Variants in RAP1GAP2 observed in about 807,000 individuals in gnomAD.
RAP1GAP2 encodes rap1 GTPase-activating protein 2.
RAP1GAP2 carries 27 observed loss-of-function variants against 95.0 expected under a neutral mutation model. The observed-to-expected ratio is 0.28, with a 90% CI of 0.21 to 0.39. The LOEUF (loss-of-function observed/expected upper bound fraction) is 0.39, where lower values mean the gene tolerates loss of function less well. RAP1GAP2 is among the 10% of genes least tolerant of loss of function. The probability of loss-of-function intolerance (pLI) is 1.00; values close to 1 mark genes in which losing one functional copy is unlikely to be tolerated. For synonymous variants in RAP1GAP2, 373 were observed against 380.9 expected (o/e 0.98, Z 0.24); for missense variants, 771 against 970.0 (o/e 0.79, Z 2.72).
intron 3 of RAP1GAP2, among the ~76,000 whole-genome samples, chr17:2,923,947 A>G (rs2042875369): frequency 6.6e-6 from 1 of 152,208 alleles, no homozygotes; most frequent in Admixed American, 6.5e-5. Context: ...TTTTCCTTGC[A>G]TTAACCAATG....
At chr17:2,909,854 C>A (rs1296732182) in intron 3 of RAP1GAP2, among the ~76,000 whole-genome samples, 1 of 152,086 alleles carries the variant, frequency 6.6e-6, no homozygotes, top group Non-Finnish European at 1.5e-5. Context: ...GGGGGTCCTT[C>A]TGTGGTTGGG....
chr17:3,017,928 T>C, intron 17 of RAP1GAP2, 133 bp from the exon 18 acceptor site: 10 of 772,066 alleles, frequency 1.3e-5, no homozygotes, highest in Non-Finnish European at 2.0e-5. Flanking sequence ...TGTGTGTGTG[T>C]GTGTGTGTGT....
intron 3 of RAP1GAP2, among the ~76,000 whole-genome samples, chr17:2,930,263 G>A (rs1018740385): frequency 6.6e-6 from 1 of 152,210 alleles, no homozygotes; most frequent in Non-Finnish European, 1.5e-5. Context: ...AATACCATCA[G>A]TACCACGTGG....
chr17:2,862,553 T>C (rs1567719577), intron 2 of RAP1GAP2, among the ~76,000 whole-genome samples: 1 of 151,742 alleles, frequency 6.6e-6, no homozygotes. Context: ...ACAAACTCAG[T>C]TTCTTTGCCT....
At chr17:2,768,099 G>A (rs1352743985) in intron 1 of RAP1GAP2, among the ~76,000 whole-genome samples, 2 of 151,952 alleles carry the variant, frequency 1.3e-5, no homozygotes, top group Non-Finnish European at 1.5e-5. Context: ...TGCATGGGTC[G>A]CCCTCAGTCT....
chr17:2,893,717 C>A (rs1234467673), intron 2 of RAP1GAP2, among the ~76,000 whole-genome samples: 4 of 152,302 alleles, frequency 2.6e-5, no homozygotes, highest in South Asian at 2.1e-4. Context: ...CTGCTCCCCC[C>A]ATGGAGGCCA....
Position 2,855,048 on chromosome 17 carries a change from C to G in RAP1GAP2, c.81-50236C>G, listed in dbSNP as rs1260360936. 6.6e-6 allele frequency among the ~76,000 whole-genome samples: 1 copy of G among 152,134 alleles called. No individual in the cohort carries two copies. The highest frequency in any genetic ancestry group is 1.5e-5 in the Non-Finnish European group (1 of 68,030). Reference sequence around the variant, plus strand: ...TGGAACCAGAGACACCTGGGGGTGACCAGCAGCCCCTGGATATGCCCACAG... The same window carrying G: ...TGGAACCAGAGACACCTGGGGGTGAGCAGCAGCCCCTGGATATGCCCACAG... On this transcript the variant is annotated intron_variant, in intron 2 of 24. Transcript: ENST00000254695. The surrounding 1 kb of genome is among the most constrained non-coding windows in gnomAD (Gnocchi z 4.3).
At chr17:2,898,762 C>T (rs2041925066) in intron 2 of RAP1GAP2, among the ~76,000 whole-genome samples, 1 of 152,218 alleles carries the variant, frequency 6.6e-6, no homozygotes, top group African/African-American at 2.4e-5. Flanking sequence ...AACAAGGCGA[C>T]CAGCCATGTT....
chr17:2,923,605 A>G (rs1699036643), intron 3 of RAP1GAP2, among the ~76,000 whole-genome samples: 2 of 151,734 alleles, frequency 1.3e-5, no homozygotes, highest in Non-Finnish European at 2.9e-5. Context: ...AAGTGCTGGG[A>G]TTACAGGCCT....
At chr17:2,836,987 A>G (rs1010223226) in intron 2 of RAP1GAP2, among the ~76,000 whole-genome samples, 1 of 152,128 alleles carries the variant, frequency 6.6e-6, no homozygotes, top group African/African-American at 2.4e-5. Context: ...ACGGTGGCTC[A>G]CACCTGTCAT....
intron 2 of RAP1GAP2, among the ~76,000 whole-genome samples, chr17:2,844,784 C>T (rs2071515740): frequency 6.6e-6 from 1 of 152,096 alleles, no homozygotes; most frequent in Non-Finnish European, 1.5e-5. Flanking sequence ...TTGATTACAC[C>T]CACAAAGAGG....
chr17:2,954,830 G>T (rs1477905236), intron 3 of RAP1GAP2, among the ~76,000 whole-genome samples: 1 of 152,004 alleles, frequency 6.6e-6, no homozygotes, highest in Non-Finnish European at 1.5e-5. Flanking sequence ...CTGACCTCGT[G>T]ATCCGCCTGC....
upstream of RAP1GAP2, among the ~76,000 whole-genome samples, chr17:2,792,968 C>G (rs2068965237): frequency 6.6e-6 from 1 of 152,132 alleles, no homozygotes; most frequent in Non-Finnish European, 1.5e-5. Flanking sequence ...TTTGTCTTCC[C>G]CTAGAATGCA....
At chr17:2,851,142 C>T (rs1464455944) in intron 2 of RAP1GAP2, among the ~76,000 whole-genome samples, 2 of 151,776 alleles carry the variant, frequency 1.3e-5, no homozygotes, top group African/African-American at 2.4e-5. Context: ...GACACTAAGA[C>T]AAAGAATTAT....
At chr17:3,002,512 C>T (rs1035344126) in intron 14 of RAP1GAP2, among the ~76,000 whole-genome samples, 3 of 152,188 alleles carry the variant, frequency 2.0e-5, no homozygotes, top group African/African-American at 7.2e-5. Flanking sequence ...TAGCAGACTG[C>T]GAGGAGGACC....
At chr17:2,880,674 T>C (rs1162894648) in intron 2 of RAP1GAP2, among the ~76,000 whole-genome samples, 1 of 152,082 alleles carries the variant, frequency 6.6e-6, no homozygotes, top group Non-Finnish European at 1.5e-5. Context: ...CCATCTACTT[T>C]CTGTCTCTAT....
intron 1 of RAP1GAP2, among the ~76,000 whole-genome samples, chr17:2,758,981 A>G (rs1269206941): frequency 6.6e-6 from 1 of 151,874 alleles, no homozygotes; most frequent in South Asian, 2.1e-4. Context: ...TCCACCATCG[A>G]GAGCCACCAC....
chr17:2,824,856 G>A (rs1315871090), intron 2 of RAP1GAP2, among the ~76,000 whole-genome samples: 1 of 152,084 alleles, frequency 6.6e-6, no homozygotes, highest in Non-Finnish European at 1.5e-5. Flanking sequence ...GATGCCTGTG[G>A]TGGTTCGAAA....
chr17:2,832,214 A>AC (rs2070890462), intron 2 of RAP1GAP2, among the ~76,000 whole-genome samples: 1 of 149,562 alleles, frequency 6.7e-6, no homozygotes, highest in Non-Finnish European at 1.5e-5. Flanking sequence ...CAAAAAAAAA[A>AC]AGAAAACAAA....
Sources: allele counts gnomAD v4.1 joint callset (sites outside exome capture counted in the v4.1 genomes callset), GRCh38; gene constraint gnomAD v4.1.1; non-coding constraint Gnocchi (gnomAD v3.1); transcripts MANE v1.5; gene names NCBI Gene and HGNC (gene_info 2026-07-23, HGNC 2026-07-21).